Variants in GABRA3 observed in about 807,000 individuals in gnomAD.
GABRA3 encodes the protein gamma-aminobutyric acid receptor subunit alpha-3.
Under a neutral mutation model 30.1 loss-of-function variants are expected in GABRA3, and 10 were observed. The observed-to-expected ratio is 0.33, with a 90% confidence interval of 0.20 to 0.56. The LOEUF is 0.56. Among genes scored for constraint, GABRA3 ranks in the 20% least tolerant of loss-of-function variants. The probability of loss-of-function intolerance (pLI) is 0.89; values close to 1 mark genes in which losing one functional copy is unlikely to be tolerated. For missense variants in GABRA3, 233 were observed against 392.0 expected, an observed-to-expected ratio of 0.59 and a Z score of 3.42; for synonymous variants, 151 against 146.8, an observed-to-expected ratio of 1.03 and a Z score of -0.21.
chrX:152,322,504 C>T (rs1939979840), intron 3 of GABRA3, among the ~76,000 whole-genome samples: 2 of 109,628 alleles, frequency 1.8e-5, no homozygotes, highest in Admixed American at 2.0e-4. Context: ...AATTTCACCA[C>T]AATAAATAAT....
intron 4 of GABRA3, among the ~76,000 whole-genome samples, chrX:152,262,839 G>A (rs955514543): frequency 1.1e-4 from 12 of 111,697 alleles, no homozygotes; most frequent in South Asian, 3.7e-4. Flanking sequence ...AACAGTGCCC[G>A]ACTCTCTGTG....
intron 3 of GABRA3, among the ~76,000 whole-genome samples, chrX:152,293,564 G>T (rs1160144844): frequency 9.0e-6 from 1 of 111,019 alleles, no homozygotes; most frequent in East Asian, 2.8e-4. Flanking sequence ...TACAATTAAG[G>T]TTAACAACTG....
intron 4 of GABRA3, among the ~76,000 whole-genome samples, chrX:152,272,935 G>A (rs1234058875): frequency 9.0e-6 from 1 of 111,365 alleles, no homozygotes; most frequent in Non-Finnish European, 1.9e-5. Context: ...GGCTTCCCCA[G>A]TCATGCGGAA....
chrX:152,369,435 TCCCCTACTA>T (rs1251567585), intron 1 of GABRA3, among the ~76,000 whole-genome samples: 3 of 110,918 alleles, frequency 2.7e-5, no homozygotes, highest in African/African-American at 6.6e-5. Context: ...GCTAGTCTCA[TCCCCTACTA>T]CCCTCCCGTC....
At chrX:152,447,578 C>T (rs762006481) in intron 1 of GABRA3, among the ~76,000 whole-genome samples, 1 of 111,991 alleles carries the variant, frequency 8.9e-6, no homozygotes, top group South Asian at 3.7e-4. Context: ...TAATGGCTAA[C>T]GGTATAATTA....
intron 1 of GABRA3, among the ~76,000 whole-genome samples, chrX:152,391,165 G>A (rs1603253120): frequency 9.0e-6 from 1 of 111,616 alleles, no homozygotes; most frequent in Admixed American, 9.6e-5. Context: ...AGGCAAACAC[G>A]ATACTGTCAA....
In GABRA3 at chrX:152,182,435, T is replaced by C. The variant is rs185837136; in HGVS notation, c.1143+7295A>G. On this transcript the variant is annotated intron_variant, in intron 9 of 9. Transcript: ENST00000370314. The stretch of plus-strand genomic sequence containing the variant: ...CACACTATATATGCACTATATATAG[T>C]ATGTATACACACTATATATAGTGTA... Among the ~76,000 whole-genome samples the C allele has an allele frequency of 3.3e-3, 281 of 85,788 alleles. 3 individuals carry two copies. Among genetic ancestry groups the C allele is most frequent in the African/African-American group, 0.013 (273 of 21,039 alleles). The allele number at this position is 85,788 out of a possible 115,157, so 74.5% of individuals were successfully genotyped here.
chrX:152,244,252 G>A (rs142588496), intron 5 of GABRA3, among the ~76,000 whole-genome samples: 2,708 of 111,924 alleles, frequency 0.024, 44 homozygotes, highest in Middle Eastern at 0.065. Context: ...CTCAGAAACT[G>A]TTACATCCAT....
At chrX:152,266,681 G>T (rs1938830621) in intron 4 of GABRA3, among the ~76,000 whole-genome samples, 1 of 111,273 alleles carries the variant, frequency 9.0e-6, no homozygotes, top group Admixed American at 9.5e-5. Context: ...CCGAAGCATT[G>T]CTTGAACATC....
At chrX:152,196,137 C>A (rs1030229378) in intron 8 of GABRA3, among the ~76,000 whole-genome samples, 2 of 107,508 alleles carry the variant, frequency 1.9e-5, no homozygotes, top group Admixed American at 1.0e-4. Context: ...GTAATCCCAG[C>A]ACTTTGGGAG....
chrX:152,323,742 AT>A (rs1047109068), intron 3 of GABRA3, among the ~76,000 whole-genome samples: 1 of 112,039 alleles, frequency 8.9e-6, no homozygotes, highest in African/African-American at 3.2e-5. Flanking sequence ...CTTTTCTCTA[AT>A]CATGCTTGTG....
intron 5 of GABRA3, among the ~76,000 whole-genome samples, chrX:152,254,893 C>A (rs1283078275): frequency 7.2e-5 from 8 of 111,801 alleles, no homozygotes; most frequent in Admixed American, 5.7e-4. Context: ...GAGGAACAAG[C>A]AAATTCATAA....
chrX:152,329,691 T>C (rs2124472925), intron 3 of GABRA3, among the ~76,000 whole-genome samples: 1 of 111,841 alleles, frequency 8.9e-6, no homozygotes, highest in East Asian at 2.8e-4. Context: ...TACACAAAAA[T>C]TAATTCAGGA....
In GABRA3 at chrX:152,167,581, C is replaced by G. The variant is rs1425849343; in HGVS notation, c.*647G>C. 3 of 111,790 alleles carry G rather than the reference C, an allele frequency of 2.7e-5. No individual in the cohort carries two copies. Among genetic ancestry groups the G allele is most frequent in the African/African-American group, 9.8e-5 (3 of 30,646 alleles). 9.2% of individuals were successfully genotyped at this position (111,790 alleles called of 1,213,427 possible). A position where few individuals can be genotyped will look rare whatever the true frequency, so the allele number is the denominator to read the frequency against. Reference sequence around the variant, plus strand: ...TCCCGAGGGGCTGGACATGGCAGGGCACCAGCCATCTTGGTGCCAGGCTGG... The same window carrying G: ...TCCCGAGGGGCTGGACATGGCAGGGGACCAGCCATCTTGGTGCCAGGCTGG... On this transcript the variant is annotated 3_prime_UTR_variant, in exon 10 of 10. Coordinates refer to ENST00000370314, the MANE Select transcript of GABRA3 (RefSeq NM_000808.4).
At chrX:152,318,278 C>T (rs1168422359) in intron 3 of GABRA3, among the ~76,000 whole-genome samples, 1 of 110,881 alleles carries the variant, frequency 9.0e-6, no homozygotes, top group African/African-American at 3.3e-5. Flanking sequence ...GAATTAGAAA[C>T]CCTGAACAGA....
chrX:152,440,982 T>G (rs1364896855), intron 1 of GABRA3, among the ~76,000 whole-genome samples: 1 of 102,168 alleles, frequency 9.8e-6, no homozygotes, highest in Non-Finnish European at 2.0e-5. Context: ...CTGCACGTTC[T>G]GCACATGTAC....
In GABRA3 at chrX:152,376,110, T is replaced by C. The variant is rs751950921; in HGVS notation, c.-26-11514A>G. On this transcript the variant is annotated intron_variant, in intron 1 of 9. Coordinates refer to ENST00000370314, the MANE Select transcript of GABRA3 (RefSeq NM_000808.4). Reference sequence around the variant, plus strand: ...AATCAGAATTGCCTGAGAATTTGAGTTTCCAAACTAGGGCAGCCCTAAACT... The same window carrying C: ...AATCAGAATTGCCTGAGAATTTGAGCTTCCAAACTAGGGCAGCCCTAAACT... Among the ~76,000 whole-genome samples the C allele has an allele frequency of 4.1e-3, 460 of 111,275 alleles. 2 individuals carry two copies. Among genetic ancestry groups the C allele is most frequent in the Middle Eastern group, 9.3e-3 (2 of 214 alleles).
chrX:152,182,601 T>C (rs1311499768), intron 9 of GABRA3, among the ~76,000 whole-genome samples: 1 of 74,272 alleles, frequency 1.3e-5, no homozygotes, highest in Admixed American at 1.7e-4. Context: ...ACACACTATA[T>C]ATACTATATA....
At chrX:152,440,892 C>CAT in intron 1 of GABRA3, among the ~76,000 whole-genome samples, 1 of 110,317 alleles carries the variant, frequency 9.1e-6, no homozygotes, top group East Asian at 2.8e-4. Flanking sequence ...AGGGATAGCA[C>CAT]TAGGAGAAAT....
Sources: gnomAD v4.1 joint callset for allele counts (sites outside exome capture counted in the v4.1 genomes callset) on GRCh38, gnomAD v4.1.1 for gene constraint, MANE v1.5 for transcripts, NCBI Gene and HGNC (gene_info 2026-07-23, HGNC 2026-07-21) for gene names.